HOOK3: variants seen among roughly 807,000 people sequenced by gnomAD.
HOOK3 encodes hook microtubule tethering protein 3.
Under a neutral mutation model 116.3 loss-of-function variants are expected in HOOK3, and 24 were observed. That is an observed-to-expected ratio of 0.21 (90% CI 0.15 to 0.29). HOOK3 has a LOEUF of 0.29. HOOK3 is among the 10% of genes least tolerant of loss of function. HOOK3 has a pLI of 1.00. For missense variants in HOOK3, 632 were observed against 830.2 expected, an observed-to-expected ratio of 0.76 and a Z score of 2.93; for synonymous variants, 275 against 283.0, an observed-to-expected ratio of 0.97 and a Z score of 0.28.
intron 19 of HOOK3, among the ~76,000 whole-genome samples, chr8:43,011,974 T>A (rs1327604302): frequency 1.3e-5 from 2 of 152,130 alleles, no homozygotes; most frequent in African/African-American, 4.8e-5. Context: ...TCACATCCAA[T>A]GTCCATGCCC....
intron 2 of HOOK3, among the ~76,000 whole-genome samples, chr8:42,909,318 G>C (rs949312537): frequency 6.6e-6 from 1 of 152,208 alleles, no homozygotes; most frequent in Non-Finnish European, 1.5e-5. Flanking sequence ...TTTGAAACTG[G>C]TATGTTGAGG....
At position 42,930,155 on chromosome 8, in the gene HOOK3, T is replaced by G; in HGVS notation, c.250T>G (p.Leu84Val). ...TTTAAAGAAAATTTTAAAAGGAATC[T>G]TGGATTATAATCATGAGGTAAAGAC... ...SNLKKILKGILDYNHEILGQQ... is the reference protein window; with the variant it reads ...SNLKKILKGIVDYNHEILGQQ... Residue 84 changes from leucine (L) to valine (V), a missense_variant, in exon 4 of 22, where the codon TTG becomes GTG. By Grantham distance (32) the Leu-to-Val change is conservative (BLOSUM62 1). Around this residue, in one of 3 missense-constraint regions of HOOK3, gnomAD observed 141 missense variants for 150.8 expected, o/e 0.93. Coordinates refer to ENST00000307602, the MANE Select transcript of HOOK3 (RefSeq NM_032410.4). 6.4e-7 allele frequency: 1 copy of G among 1,552,708 alleles called. No homozygotes were observed. The highest frequency in any genetic ancestry group is 1.2e-5 in the South Asian group (1 of 80,476).
intron 1 of HOOK3, among the ~76,000 whole-genome samples, chr8:42,905,331 G>GT (rs1563287587): frequency 6.8e-6 from 1 of 146,448 alleles, no homozygotes; most frequent in Non-Finnish European, 1.5e-5. Context: ...TTTTTGGGGG[G>GT]GGGGGTGCCG....
At chr8:42,955,706 G>A (rs1808420362) in intron 6 of HOOK3, among the ~76,000 whole-genome samples, 1 of 152,112 alleles carries the variant, frequency 6.6e-6, no homozygotes, top group Non-Finnish European at 1.5e-5. Flanking sequence ...CAAGAAGAAA[G>A]TACAGAGGGG....
chr8:42,986,828 A>G, intron 15 of HOOK3, 33 bp downstream of exon 15: 4 of 1,602,634 alleles, frequency 2.5e-6, no homozygotes, highest in Non-Finnish European at 3.4e-6. Context: ...ATCTGGCTAT[A>G]AGTTTTCCCT....
chr8:42,931,184 A>C (rs1807865303), intron 4 of HOOK3, among the ~76,000 whole-genome samples: 2 of 152,068 alleles, frequency 1.3e-5, no homozygotes, highest in African/African-American at 4.8e-5. Context: ...TGCTGTATGC[A>C]GTGTTCTTCC....
intron 15 of HOOK3, among the ~76,000 whole-genome samples, chr8:42,989,619 T>C (rs1809118084): frequency 1.3e-5 from 2 of 152,222 alleles, no homozygotes; most frequent in Non-Finnish European, 2.9e-5. Flanking sequence ...CCCATTATAC[T>C]CTTTAGTTAT....
chr8:42,932,459 G>C (rs745715630), intron 4 of HOOK3, among the ~76,000 whole-genome samples: 5 of 152,178 alleles, frequency 3.3e-5, no homozygotes, highest in Non-Finnish European at 7.3e-5. Flanking sequence ...GTCTCACTCA[G>C]TGGAAGCCAC....
At chr8:42,939,816 G>A (rs12015278) in intron 4 of HOOK3, among the ~76,000 whole-genome samples, 7,033 of 150,446 alleles carry the variant, frequency 0.047, 325 homozygotes, top group African/African-American at 0.12. Context: ...CGGGGCGGCC[G>A]GGCAGAGACG....
rs771619469 is a variant in HOOK3 at position 43,007,938 on chromosome 8, T to C, written c.1738+9T>C. 6 of 1,553,946 alleles carry C rather than the reference T, an allele frequency of 3.9e-6. No homozygotes were observed. Among genetic ancestry groups the C allele is most frequent in the Admixed American group, 1.7e-5 (1 of 59,558 alleles). Reference sequence around the variant, plus strand: ...AAGATTTAACAACAGCTGTGAGTTTTCCTAATTAGGATAGTTTTTAAGTGG... The same window carrying C: ...AAGATTTAACAACAGCTGTGAGTTTCCCTAATTAGGATAGTTTTTAAGTGG... On this transcript the variant is annotated intron_variant, in intron 18 of 21. Transcript: ENST00000307602.
At chr8:42,973,244 T>C in intron 11 of HOOK3, 45 bp from the exon 12 acceptor site, 1 of 1,555,010 alleles carries the variant, frequency 6.4e-7, no homozygotes, top group Non-Finnish European at 8.7e-7. Context: ...GGATAATTTC[T>C]AATGTCTCAG....
At chr8:42,935,213 C>G (rs569619441) in intron 4 of HOOK3, among the ~76,000 whole-genome samples, 1 of 151,934 alleles carries the variant, frequency 6.6e-6, no homozygotes, top group African/African-American at 2.4e-5. Flanking sequence ...TCTGTTCATA[C>G]CCTTCGCCCA....
intron 7 of HOOK3, among the ~76,000 whole-genome samples, chr8:42,958,827 T>C (rs1258256743): frequency 6.6e-6 from 1 of 152,016 alleles, no homozygotes; most frequent in Non-Finnish European, 1.5e-5. Flanking sequence ...GGTTTTAATA[T>C]AACGAAAACA....
At chr8:42,960,999 C>G (rs1249837407) in intron 8 of HOOK3, among the ~76,000 whole-genome samples, 1 of 152,166 alleles carries the variant, frequency 6.6e-6, no homozygotes, top group Admixed American at 6.5e-5. Context: ...AGGAAGCTTC[C>G]AATCATGGCA....
At chr8:42,929,850 G>C (rs1169049497) in intron 3 of HOOK3, among the ~76,000 whole-genome samples, 1 of 152,058 alleles carries the variant, frequency 6.6e-6, no homozygotes. Flanking sequence ...TTATTGTTAA[G>C]TCTCATTCAG....
chr8:42,920,476 G>A (rs1299862480), intron 2 of HOOK3, among the ~76,000 whole-genome samples: 1 of 152,208 alleles, frequency 6.6e-6, no homozygotes, highest in Non-Finnish European at 1.5e-5. Flanking sequence ...AACTTACTAA[G>A]TGCTGTCCCT....
intron 8 of HOOK3, among the ~76,000 whole-genome samples, chr8:42,960,846 C>A (rs1020082418): frequency 2.0e-5 from 3 of 152,096 alleles, no homozygotes; most frequent in African/African-American, 4.8e-5. Context: ...TTATTTTAAC[C>A]CTCTGTGTAC....
At chr8:42,908,140 A>C (rs1275682433) in intron 2 of HOOK3, among the ~76,000 whole-genome samples, 1 of 152,354 alleles carries the variant, frequency 6.6e-6, no homozygotes, top group East Asian at 1.9e-4. Flanking sequence ...CATACATTGA[A>C]AACTGTAAAA....
intron 3 of HOOK3, among the ~76,000 whole-genome samples, chr8:42,927,415 C>G (rs910288170): frequency 1.3e-5 from 2 of 151,916 alleles, no homozygotes; most frequent in East Asian, 3.9e-4. Flanking sequence ...CGCCATGATG[C>G]CTGGCTAATT....
Sources: gnomAD v4.1 joint callset for allele counts (sites outside exome capture counted in the v4.1 genomes callset) on GRCh38, gnomAD v4.1.1 for gene constraint, gnomAD v4.1.1 regional missense constraint, MANE v1.5 for transcripts, NCBI Gene and HGNC (gene_info 2026-07-23, HGNC 2026-07-21) for gene names.